The following ZNRF1 variants were observed in gnomAD, a reference collection of about 807,000 sequenced individuals.
The protein encoded by ZNRF1 is E3 ubiquitin-protein ligase ZNRF1.
ZNRF1 carries 3 observed loss-of-function variants against 18.4 expected under a neutral mutation model. The observed-to-expected ratio is 0.16, with a 90% CI of 0.07 to 0.42. The LOEUF (loss-of-function observed/expected upper bound fraction) is 0.42, where lower values mean the gene tolerates loss of function less well. ZNRF1 is among the 10% of genes least tolerant of loss of function. The probability of loss-of-function intolerance (pLI) is 0.99; values close to 1 mark genes in which losing one functional copy is unlikely to be tolerated. For synonymous variants in ZNRF1, 157 were observed against 144.2 expected, an observed-to-expected ratio of 1.09 and a Z score of -0.64; for missense variants, 310 against 329.8, an observed-to-expected ratio of 0.94 and a Z score of 0.47.
intron 1 of ZNRF1, among the ~76,000 whole-genome samples, chr16:75,063,682 A>G (rs2035768596): frequency 6.6e-6 from 1 of 152,222 alleles, no homozygotes; most frequent in South Asian, 2.1e-4. Context: ...GAACTCTGAA[A>G]TTCAGTGGCT....
rs2034809816 is a variant in ZNRF1 at position 74,999,629 on chromosome 16, G to A, written c.-43G>A. On this transcript the variant is annotated 5_prime_UTR_variant, in exon 1 of 5. Transcript: ENST00000335325. ...CCCTGCTGCTGAGAAGTGGGGGAGGGTCTCGGCCTCCAGGTTCCCGCCCCA... is the reference window on the plus strand; with the variant it reads ...CCCTGCTGCTGAGAAGTGGGGGAGGATCTCGGCCTCCAGGTTCCCGCCCCA... 3 of 1,303,268 alleles carry A rather than the reference G, an allele frequency of 2.3e-6. No homozygotes were observed. Among genetic ancestry groups the A allele is most frequent in the Non-Finnish European group, 2.9e-6 (3 of 1,024,146 alleles). 80.7% of individuals were successfully genotyped at this position (1,303,268 alleles called of 1,614,324 possible).
chr16:75,005,811 C>G (rs191850886), intron 1 of ZNRF1, among the ~76,000 whole-genome samples: 2 of 152,096 alleles, frequency 1.3e-5, no homozygotes, highest in African/African-American at 4.8e-5. Flanking sequence ...CTCCCTGTCT[C>G]GAAAGTACAG....
chr16:75,002,632 C>T (rs2034866478), intron 1 of ZNRF1, among the ~76,000 whole-genome samples: 1 of 152,198 alleles, frequency 6.6e-6, no homozygotes. Context: ...CCAGCTACTC[C>T]TCTGAGCAGC....
chr16:75,106,041 C>G (rs2036312438), intron 3 of ZNRF1: 1 of 166,490 alleles, frequency 6.0e-6, no homozygotes, highest in Non-Finnish European at 1.3e-5. Context: ...GGAGCTCTTT[C>G]AGGACTGTGG....
At chr16:75,013,836 A>AT (rs897611798) in intron 1 of ZNRF1, among the ~76,000 whole-genome samples, 34 of 148,812 alleles carry the variant, frequency 2.3e-4, no homozygotes, top group South Asian at 4.2e-4. Context: ...ATTTAATTTT[A>AT]TTTTTTTTTT....
chr16:75,024,420 A>G (rs1403094340), intron 1 of ZNRF1, among the ~76,000 whole-genome samples: 1 of 152,218 alleles, frequency 6.6e-6, no homozygotes, highest in Non-Finnish European at 1.5e-5. Flanking sequence ...GGTGCCTAGT[A>G]AAAGTTCAGT....
intron 1 of ZNRF1, among the ~76,000 whole-genome samples, chr16:75,007,461 G>A (rs1316206052): frequency 6.6e-6 from 1 of 152,160 alleles, no homozygotes; most frequent in African/African-American, 2.4e-5. Context: ...GCTTTCCTCT[G>A]TTGGGAGAAA....
intron 1 of ZNRF1, among the ~76,000 whole-genome samples, chr16:75,002,690 C>T (rs1358805193): frequency 6.6e-6 from 1 of 152,188 alleles, no homozygotes; most frequent in Admixed American, 6.5e-5. Context: ...TTATCTTTGT[C>T]GTTTTTAAAA....
At chr16:75,046,322 G>A (rs1475723662) in intron 1 of ZNRF1, among the ~76,000 whole-genome samples, 1 of 151,968 alleles carries the variant, frequency 6.6e-6, no homozygotes, top group African/African-American at 2.4e-5. Flanking sequence ...CACGATCTCA[G>A]CTCACTGTAA....
intron 1 of ZNRF1, among the ~76,000 whole-genome samples, chr16:75,028,000 G>A (rs552888254): frequency 3.3e-5 from 5 of 152,178 alleles, no homozygotes; most frequent in African/African-American, 2.4e-5. Context: ...ATCCACCCAC[G>A]TGCTTGTATA....
intron 1 of ZNRF1, among the ~76,000 whole-genome samples, chr16:75,014,234 T>C (rs1423575458): frequency 6.6e-6 from 1 of 152,216 alleles, no homozygotes; most frequent in African/African-American, 2.4e-5. Context: ...GGTATAATTG[T>C]ATGTACCCTG....
At position 75,007,078 on chromosome 16, in the gene ZNRF1, T is replaced by A. The variant is rs753974804; in HGVS notation, c.424+6983T>A. 7.6e-3 allele frequency among the ~76,000 whole-genome samples: 990 copies of A among 129,512 alleles called. 1 individual carries two copies. The highest frequency in any genetic ancestry group is 0.01 in the Non-Finnish European group (605 of 59,430). The allele number at this position is 129,512 out of a possible 152,430, so 85.0% of individuals were successfully genotyped here. On this transcript the variant is annotated intron_variant, in intron 1 of 4. Transcript: ENST00000335325. ...TTTAATCTTTTTTTTTTTTTTTTTTTAAGACAGGGTCTCGCTTTGTTCAGG... is the reference window on the plus strand; with the variant it reads ...TTTAATCTTTTTTTTTTTTTTTTTTAAAGACAGGGTCTCGCTTTGTTCAGG...
At chr16:75,106,624 T>C in intron 4 of ZNRF1, 53 bp downstream of exon 4, 4 of 1,510,112 alleles carry the variant, frequency 2.6e-6, no homozygotes, top group Non-Finnish European at 3.7e-6. Flanking sequence ...TCAGGTCACT[T>C]TGGGGGCCTG....
chr16:75,106,333 A>C lies in ZNRF1; in HGVS notation c.627-149A>C, dbSNP rs565700954. On this transcript the variant is annotated intron_variant, in intron 3 of 4. Coordinates refer to ENST00000335325, the MANE Select transcript of ZNRF1 (RefSeq NM_032268.5). ...CTTCTTCGTGCTTCAGAAAGTAGGG[A>C]TATCTGGGGACATGACTGTGTTTCC... 5.5e-4 allele frequency: 391 copies of C among 713,942 alleles called. 9 individuals carry two copies. The South Asian group carries it at 6.4e-3, about 12-fold the overall frequency. The allele number at this position is 713,942 out of a possible 1,614,324, so 44.2% of individuals were successfully genotyped here. A position where few individuals can be genotyped will look rare whatever the true frequency, so the allele number is the denominator to read the frequency against.
chr16:75,037,066 C>T (rs771603874), intron 1 of ZNRF1, among the ~76,000 whole-genome samples: 1 of 152,148 alleles, frequency 6.6e-6, no homozygotes, highest in Non-Finnish European at 1.5e-5. Context: ...TGGAAATAAA[C>T]TATTTCCATC....
chr16:75,101,334 T>C (rs1005181464), intron 2 of ZNRF1, among the ~76,000 whole-genome samples: 30 of 152,300 alleles, frequency 2.0e-4, no homozygotes, highest in Admixed American at 2.0e-3. Flanking sequence ...GGTAGGTGGA[T>C]CACGAGGTCA....
chr16:75,101,609 C>T (rs771363315), intron 2 of ZNRF1, among the ~76,000 whole-genome samples: 16 of 152,150 alleles, frequency 1.1e-4, no homozygotes, highest in Non-Finnish European at 2.1e-4. Flanking sequence ...CTGCAGTGTA[C>T]TAGACCCGTT....
chr16:75,022,618 T>C (rs1459512276), intron 1 of ZNRF1, among the ~76,000 whole-genome samples: 5 of 152,132 alleles, frequency 3.3e-5, no homozygotes, highest in Non-Finnish European at 7.4e-5. Context: ...TAAATAAATT[T>C]AAATTAGTGA....
At chr16:75,076,092 C>G (rs1048234833) in intron 1 of ZNRF1, among the ~76,000 whole-genome samples, 2 of 152,176 alleles carry the variant, frequency 1.3e-5, no homozygotes, top group Admixed American at 1.3e-4. Context: ...AGATATAGAG[C>G]CCTGGAGGGC....
Sources: allele counts gnomAD v4.1 joint callset (sites outside exome capture counted in the v4.1 genomes callset), GRCh38; gene constraint gnomAD v4.1.1; transcripts MANE v1.5; gene names NCBI Gene and HGNC (gene_info 2026-07-23, HGNC 2026-07-21).